The following FBN1 variants were observed in gnomAD, a reference collection of about 807,000 sequenced individuals.
The protein encoded by FBN1 is fibrillin-1.
Under a neutral mutation model 365.1 loss-of-function variants are expected in FBN1, and 29 were observed. The observed-to-expected ratio is 0.08, with a 90% CI of 0.06 to 0.11. FBN1 has a LOEUF of 0.11. FBN1 is among the 10% of genes least tolerant of loss of function. The pLI is 1.00. For synonymous variants in FBN1, 1,210 were observed against 1,270.5 expected, an observed-to-expected ratio of 0.95 and a Z score of 1.01; for missense variants, 2,476 against 3,703.2, an observed-to-expected ratio of 0.67 and a Z score of 8.60.
intron 5 of FBN1, 105 bp downstream of exon 5, chr15:48,600,034 C>T (rs1001203210): frequency 4.8e-6 from 4 of 832,404 alleles, no homozygotes; most frequent in African/African-American, 1.7e-5. Context: ...TGTAAACATG[C>T]TGTGTCCCAG....
chr15:48,553,557 C>T (rs1244354270), intron 6 of FBN1, among the ~76,000 whole-genome samples: 2 of 152,128 alleles, frequency 1.3e-5, no homozygotes, highest in South Asian at 2.1e-4. Flanking sequence ...AAAATGAAGT[C>T]GCAGCTTTAT....
Position 48,508,595 on chromosome 15 carries a change from T to C in FBN1, c.1824A>G (p.Gly608=). The C allele has an allele frequency of 6.2e-7, 1 of 1,613,804 alleles. No homozygotes were observed. Among genetic ancestry groups the C allele is most frequent in the Non-Finnish European group, 8.5e-7 (1 of 1,179,734 alleles). Residue 608 remains glycine (G), a synonymous_variant, in exon 15 of 66, where the codon GGA becomes GGG. Transcript: ENST00000316623. The part of the protein sequence containing the change: ...CKPGFQLASD[G]RYCKDINECE... ...TATAGCACGAACCTTTGCAATAACG[T>C]CCATCTGATGCCAGCTGGAATCCAG...
At chr15:48,576,771 T>C (rs1020264006) in intron 6 of FBN1, among the ~76,000 whole-genome samples, 3 of 152,172 alleles carry the variant, frequency 2.0e-5, no homozygotes, top group Non-Finnish European at 4.4e-5. Flanking sequence ...AAACAAAATG[T>C]CTGCCCTCAT....
chr15:48,437,327 G>A lies in FBN1; in HGVS notation c.6374C>T (p.Ala2125Val). The A allele has an allele frequency of 6.2e-7, 1 of 1,613,208 alleles. No individual in the cohort carries two copies. The highest frequency in any genetic ancestry group is 8.5e-7 in the Non-Finnish European group (1 of 1,179,354). ...ATCCAGCACAGGCAACTGACCAACT[G>A]CTGAATCATCAGGTCCCACGATGAT... ...SGIIVGPDDS[A>V]VDMDECKEPD... The change falls in exon 52 of 66, where the codon GCA becomes GTA. Residue 2125 changes from alanine (A) to valine (V), a missense_variant. Physicochemically the swap from Ala to Val is moderately conservative, Grantham distance 64. This residue lies in a region of FBN1 where 1,780 missense variants were observed against 2,840.8 expected (regional missense o/e 0.63). Transcript: ENST00000316623.
At chr15:48,637,298 A>G (rs1890111192) in intron 2 of FBN1, among the ~76,000 whole-genome samples, 1 of 152,182 alleles carries the variant, frequency 6.6e-6, no homozygotes, top group Admixed American at 6.5e-5. Flanking sequence ...AGATCTGATC[A>G]TGTTCCTATC....
chr15:48,623,996 C>CACAT (rs10668683), intron 2 of FBN1, among the ~76,000 whole-genome samples: 1 of 151,248 alleles, frequency 6.6e-6, no homozygotes. Flanking sequence ...CACACACACA[C>CACAT]GCACAGCCTA....
At chr15:48,543,011 A>G (rs1397766361) in intron 6 of FBN1, among the ~76,000 whole-genome samples, 1 of 152,182 alleles carries the variant, frequency 6.6e-6, no homozygotes, top group Admixed American at 6.5e-5. Flanking sequence ...TAGGACTGAC[A>G]TCCTAATCAT....
rs557798071 is a variant in FBN1 at position 48,492,562 on chromosome 15, G to C, written c.2753C>G (p.Pro918Arg). The C allele has an allele frequency of 3.3e-5, 53 of 1,607,310 alleles. 1 individual carries two copies. The East Asian group carries it at 1.1e-3, about 33-fold the overall frequency. The change falls in exon 24 of 66, where the codon CCA (proline) becomes CGA (arginine). Residue 918 changes from proline (P) to arginine (R), a missense_variant. By Grantham distance (103) the Pro-to-Arg change is moderately radical. Transcript: ENST00000316623. ...ACACAGGCCATTTTTACACACTCCT[G>C]GGAACACTTCACATTCATCTATATC... ...CEDIDECEVF[P>R]GVCKNGLCVN...
chr15:48,581,095 C>T (rs78141811), intron 6 of FBN1, among the ~76,000 whole-genome samples: 1,822 of 152,260 alleles, frequency 0.012, 11 homozygotes, highest in Admixed American at 0.02. Context: ...AAAAAGTGAT[C>T]AGCTGTATAT....
chr15:48,620,403 T>G (rs1889745014), intron 2 of FBN1, among the ~76,000 whole-genome samples: 1 of 152,210 alleles, frequency 6.6e-6, no homozygotes, highest in African/African-American at 2.4e-5. Flanking sequence ...CTCCCCACAA[T>G]ACTTCTATGA....
At chr15:48,432,431 G>C (rs1432416128) in intron 55 of FBN1, among the ~76,000 whole-genome samples, 2 of 152,134 alleles carry the variant, frequency 1.3e-5, no homozygotes, top group Non-Finnish European at 2.9e-5. Flanking sequence ...TAGATTCCAC[G>C]TGTTACCCCA....
intron 64 of FBN1, among the ~76,000 whole-genome samples, chr15:48,413,486 CT>C (rs1463321926): frequency 3.3e-5 from 5 of 152,178 alleles, no homozygotes; most frequent in Admixed American, 1.3e-4. Flanking sequence ...TTTTCTTTGC[CT>C]TTCAGTTATC....
intron 42 of FBN1, among the ~76,000 whole-genome samples, chr15:48,462,585 GA>G (rs1215728998): frequency 1.3e-5 from 2 of 151,984 alleles, no homozygotes; most frequent in East Asian, 3.9e-4. Flanking sequence ...TTCCCGGCTT[GA>G]ATTTTGTGTA....
At chr15:48,639,618 C>T (rs1428513589) in intron 2 of FBN1, among the ~76,000 whole-genome samples, 1 of 152,124 alleles carries the variant, frequency 6.6e-6, no homozygotes, top group Non-Finnish European at 1.5e-5. Flanking sequence ...TGGTAAAATG[C>T]TTATAATAGG....
intron 47 of FBN1, 73 bp from the exon 48 acceptor site, chr15:48,445,577 T>C: frequency 1.3e-6 from 2 of 1,540,032 alleles, no homozygotes; most frequent in Non-Finnish European, 1.8e-6. Flanking sequence ...TCAAAACTTC[T>C]AAAAGAAAAA....
chr15:48,492,198 G>A lies in FBN1; in HGVS notation c.2854+263C>T, dbSNP rs565873497. On this transcript the variant is annotated intron_variant, in intron 24 of 65. Transcript: ENST00000316623. Reference sequence around the variant, plus strand: ...ACTCAGCTTGTATTTTATAGTTCACGGCATATGGGGCCGATTTAAGAGCTC... The same window carrying A: ...ACTCAGCTTGTATTTTATAGTTCACAGCATATGGGGCCGATTTAAGAGCTC... 1.6e-4 allele frequency among the ~76,000 whole-genome samples: 25 copies of A among 152,208 alleles called. No homozygotes were observed. The South Asian group carries it at 2.7e-3, about 16-fold the overall frequency.
At position 48,499,057 on chromosome 15, in the gene FBN1, T is replaced by A; in HGVS notation, c.2114-19A>T. On this transcript the variant is annotated intron_variant, in intron 17 of 65. Coordinates refer to ENST00000316623, the MANE Select transcript of FBN1 (RefSeq NM_000138.5). ...TATTCCGCTGCAATAAATTAACAGATAGTAAATGATTCCCTTGTTTGCAGA... is the reference window on the plus strand; with the variant it reads ...TATTCCGCTGCAATAAATTAACAGAAAGTAAATGATTCCCTTGTTTGCAGA... 1 of 1,613,408 alleles carries A rather than the reference T, an allele frequency of 6.2e-7. No individual in the cohort carries two copies. Among genetic ancestry groups the A allele is most frequent in the South Asian group, 1.1e-5 (1 of 91,078 alleles).
chr15:48,501,460 C>A (rs936562480), intron 17 of FBN1, among the ~76,000 whole-genome samples: 2 of 152,192 alleles, frequency 1.3e-5, no homozygotes, highest in Non-Finnish European at 2.9e-5. Flanking sequence ...TTCCCAGGCT[C>A]CAGAACTGGG....
chr15:48,508,410 C>G (rs761608960), intron 15 of FBN1, among the ~76,000 whole-genome samples, 172 bp downstream of exon 15: 19 of 152,230 alleles, frequency 1.2e-4, no homozygotes, highest in Non-Finnish European at 2.4e-4. Flanking sequence ...TGGGCATAAA[C>G]TGTAGCTCTT....
Sources: allele counts gnomAD v4.1 joint callset (sites outside exome capture counted in the v4.1 genomes callset), GRCh38; gene constraint gnomAD v4.1.1; regional missense constraint gnomAD v4.1.1; transcripts MANE v1.5; gene names NCBI Gene and HGNC (gene_info 2026-07-23, HGNC 2026-07-21).